The following TTC28 variants were observed in gnomAD, a reference collection of about 807,000 sequenced individuals.
TTC28 encodes the protein tetratricopeptide repeat protein 28.
A neutral mutation model predicts 198.0 loss-of-function variants in TTC28; 61 were observed. That is an observed-to-expected ratio of 0.31 (90% confidence interval 0.25 to 0.38). The LOEUF is 0.38. Among genes scored for constraint, TTC28 ranks in the 10% least tolerant of loss-of-function variants. The pLI, the probability that TTC28 is intolerant of heterozygous loss-of-function variation, is 1.00. For synonymous variants in TTC28, 1,171 were observed against 1,297.8 expected, an observed-to-expected ratio of 0.90 and a Z score of 2.10; for missense variants, 2,678 against 3,164.0, an observed-to-expected ratio of 0.85 and a Z score of 3.69.
chr22:28,220,017 C>A (rs1259390249), intron 5 of TTC28, among the ~76,000 whole-genome samples: 3 of 152,136 alleles, frequency 2.0e-5, no homozygotes, highest in African/African-American at 7.2e-5. Flanking sequence ...CAGAGTTTTC[C>A]TACTGCAGCT....
At chr22:28,014,176 TAC>T in intron 14 of TTC28, 70 bp downstream of exon 14, 1 of 1,484,858 alleles carries the variant, frequency 6.7e-7, no homozygotes, top group South Asian at 1.4e-5. Context: ...CTAAGAGGGA[TAC>T]ATGTGGGCGC....
intron 2 of TTC28, among the ~76,000 whole-genome samples, chr22:28,476,557 T>C (rs566877563): frequency 1.3e-5 from 2 of 152,316 alleles, no homozygotes; most frequent in South Asian, 2.1e-4. Flanking sequence ...TTCCAATGTA[T>C]GTTGCCACTA....
chr22:28,565,587 T>G (rs2049955908), intron 2 of TTC28, among the ~76,000 whole-genome samples: 1 of 152,200 alleles, frequency 6.6e-6, no homozygotes, highest in Admixed American at 6.5e-5. Flanking sequence ...TGCTTACTAA[T>G]TTCAAATTTT....
At chr22:28,318,062 C>A (rs544593317) in intron 2 of TTC28, among the ~76,000 whole-genome samples, 24 of 150,062 alleles carry the variant, frequency 1.6e-4, no homozygotes, top group Admixed American at 1.5e-3. Context: ...TGCCACCAAC[C>A]CAGCTAATTA....
intron 5 of TTC28, among the ~76,000 whole-genome samples, chr22:28,251,466 GT>G (rs1177745364): frequency 6.6e-6 from 1 of 152,156 alleles, no homozygotes; most frequent in East Asian, 1.9e-4. Flanking sequence ...TACAGAAGAA[GT>G]TTGCCAACAC....
At position 28,439,635 on chromosome 22, in the gene TTC28, C is replaced by T. The variant is rs138748603; in HGVS notation, c.382-132992G>A. 3.6e-3 allele frequency among the ~76,000 whole-genome samples: 547 copies of T among 152,256 alleles called. 3 individuals are homozygous for T. Among genetic ancestry groups the T allele is most frequent in the African/African-American group, 0.013 (525 of 41,530 alleles). On this transcript the variant is annotated intron_variant, in intron 2 of 22. Coordinates refer to ENST00000397906, the MANE Select transcript of TTC28 (RefSeq NM_001145418.2). ...TGTAAAATACAAATTATAACACCTA[C>T]CACCTCACTGGATAAGAATTAAATA...
intron 1 of TTC28, among the ~76,000 whole-genome samples, chr22:28,660,661 C>G (rs2051728350): frequency 6.6e-6 from 1 of 152,064 alleles, no homozygotes; most frequent in African/African-American, 2.4e-5. Context: ...GTAGCTGATA[C>G]TACAGGCATG....
chr22:28,259,364 T>G (rs901842183), intron 5 of TTC28, among the ~76,000 whole-genome samples: 1 of 152,090 alleles, frequency 6.6e-6, no homozygotes, highest in Non-Finnish European at 1.5e-5. Context: ...TACACAATAT[T>G]AGAACACAAT....
rs144407886 is a variant in TTC28 at position 28,300,720 on chromosome 22, T to C, written c.530-2868A>G. 2.6e-5 allele frequency among the ~76,000 whole-genome samples: 4 copies of C among 152,306 alleles called. No homozygotes were observed. The East Asian group carries it at 7.7e-4, about 29-fold the overall frequency. On this transcript the variant is annotated intron_variant, in intron 3 of 22. Transcript: ENST00000397906. ...AAAGAGTAGGGCTTAGACAAGTCTT[T>C]GCTATTTTCTGAGAGTAGAAGGCAT... is the stretch of plus-strand genomic sequence containing the variant.
At chr22:28,655,199 A>C (rs1437892480) in intron 1 of TTC28, among the ~76,000 whole-genome samples, 1 of 152,222 alleles carries the variant, frequency 6.6e-6, no homozygotes, top group Admixed American at 6.5e-5. Context: ...TGAACATAAT[A>C]AAAGAAAATA....
intron 5 of TTC28, among the ~76,000 whole-genome samples, chr22:28,254,061 A>G (rs1008076208): frequency 1.3e-5 from 2 of 149,920 alleles, no homozygotes; most frequent in Admixed American, 6.7e-5. Flanking sequence ...CCGAGATAAC[A>G]CCACTGCACT....
At chr22:28,227,354 C>T (rs980050702) in intron 5 of TTC28, among the ~76,000 whole-genome samples, 3 of 152,068 alleles carry the variant, frequency 2.0e-5, no homozygotes, top group Non-Finnish European at 2.9e-5. Flanking sequence ...AATATGACAC[C>T]AACAGCATGA....
chr22:28,188,056 G>A (rs575869021), intron 5 of TTC28, among the ~76,000 whole-genome samples: 4 of 152,260 alleles, frequency 2.6e-5, no homozygotes, highest in East Asian at 1.9e-4. Flanking sequence ...AAAAATAAAC[G>A]AGACAAGGCA....
intron 2 of TTC28, among the ~76,000 whole-genome samples, chr22:28,390,476 C>T (rs935561913): frequency 6.6e-6 from 1 of 152,084 alleles, no homozygotes; most frequent in African/African-American, 2.4e-5. Flanking sequence ...GTGTGGGAGT[C>T]TAAGTCTCTT....
At chr22:28,131,558 C>T (rs569358848) in intron 6 of TTC28, among the ~76,000 whole-genome samples, 6 of 152,112 alleles carry the variant, frequency 3.9e-5, no homozygotes, top group South Asian at 2.1e-4. Flanking sequence ...TCACTAGCCT[C>T]GGAAAAAAAT....
At position 28,163,269 on chromosome 22, in the gene TTC28, C is replaced by G. The variant is rs1233759739; in HGVS notation, c.1264G>C (p.Glu422Gln). The stretch of plus-strand genomic sequence containing the variant: ...TTCTCCATCAACTCCTGTGCCAGCT[C>G]CAGGACATAGTTATGGTAAGACATG... ...KAMSYHNYVL[E>Q]LAQELMEKAI... The change falls in exon 6 of 23, where the codon GAG (glutamate) becomes CAG (glutamine). Residue 422 changes from glutamate (E) to glutamine (Q), a missense_variant. Coordinates refer to ENST00000397906, the MANE Select transcript of TTC28 (RefSeq NM_001145418.2). The G allele has an allele frequency of 6.4e-7, 1 of 1,551,890 alleles. No homozygotes were observed. The highest frequency in any genetic ancestry group is 1.2e-5 in the South Asian group (1 of 84,062).
chr22:28,300,251 A>G (rs2044992850), intron 3 of TTC28, among the ~76,000 whole-genome samples: 1 of 152,226 alleles, frequency 6.6e-6, no homozygotes, highest in African/African-American at 2.4e-5. Flanking sequence ...GCAGAAGCAG[A>G]AATGTATGAG....
intron 2 of TTC28, among the ~76,000 whole-genome samples, chr22:28,514,374 T>C (rs576361794): frequency 6.6e-6 from 1 of 152,338 alleles, no homozygotes; most frequent in African/African-American, 2.4e-5. Flanking sequence ...AATCAATTAA[T>C]CATTTCCATC....
rs551289269 is a variant in TTC28 at position 28,657,647 on chromosome 22, G to A, written c.102+21975C>T. 2.0e-5 allele frequency among the ~76,000 whole-genome samples: 3 copies of A among 152,360 alleles called. No individual in the cohort carries two copies. In the South Asian group the frequency reaches 6.2e-4, roughly 32 times the overall value. On this transcript the variant is annotated intron_variant, in intron 1 of 22. Coordinates refer to ENST00000397906, the MANE Select transcript of TTC28 (RefSeq NM_001145418.2). Reference sequence around the variant, plus strand: ...TAATCCCAATGCTTTGGGAGGCCAAGGTGGGCAAATCACTTGAGGTCAGGA... The same window carrying A: ...TAATCCCAATGCTTTGGGAGGCCAAAGTGGGCAAATCACTTGAGGTCAGGA...
Sources: allele counts gnomAD v4.1 joint callset (sites outside exome capture counted in the v4.1 genomes callset), GRCh38; gene constraint gnomAD v4.1.1; transcripts MANE v1.5; gene names NCBI Gene and HGNC (gene_info 2026-07-23, HGNC 2026-07-21).